Variants in TNS3 observed in about 807,000 individuals in gnomAD.
The protein encoded by TNS3 is tensin 3, also known as tensin-3.
Under a neutral mutation model 140.9 loss-of-function variants are expected in TNS3, and 45 were observed. The ratio of observed to expected loss-of-function variants is 0.32; its 90% CI spans 0.25 to 0.41. The LOEUF is 0.41. Ranked by LOEUF, TNS3 falls within the 10% of genes least tolerant of loss-of-function variation. TNS3 has a pLI of 1.00. For missense variants in TNS3, 1,716 were observed against 1,906.7 expected, an observed-to-expected ratio of 0.90 and a Z score of 1.86; for synonymous variants, 815 against 788.4, an observed-to-expected ratio of 1.03 and a Z score of -0.56.
intron 13 of TNS3, chr7:47,405,703 G>A (rs574720681): frequency 1.2e-4 from 78 of 642,778 alleles, no homozygotes; most frequent in East Asian, 6.6e-4. Flanking sequence ...GCTGTGATGC[G>A]TCCAACAGAG....
intron 1 of TNS3, among the ~76,000 whole-genome samples, chr7:47,550,727 C>T (rs1800038587): frequency 6.6e-6 from 1 of 152,200 alleles, no homozygotes; most frequent in African/African-American, 2.4e-5. Context: ...AGGCTGGAAG[C>T]AGTTTTAATA....
intron 8 of TNS3, among the ~76,000 whole-genome samples, chr7:47,434,000 C>T (rs1037095670): frequency 4.0e-5 from 6 of 151,806 alleles, no homozygotes; most frequent in Admixed American, 6.6e-5. Context: ...TCATCACGGA[C>T]GATTTGGTGG....
At chr7:47,539,519 A>G (rs912841486) in intron 1 of TNS3, 3 of 251,888 alleles carry the variant, frequency 1.2e-5, no homozygotes, top group African/African-American at 6.7e-5. Flanking sequence ...CAGGCTTGCA[A>G]TCTAGGCTCT....
At chr7:47,331,360 C>T (rs7788911) in intron 20 of TNS3, among the ~76,000 whole-genome samples, 14,695 of 152,094 alleles carry the variant, frequency 0.097, 847 homozygotes, top group African/African-American at 0.15. Flanking sequence ...CCAGGGCGAG[C>T]TCTACTCTGG....
At chr7:47,367,207 G>A (rs775456578) in intron 17 of TNS3, among the ~76,000 whole-genome samples, 8 of 152,122 alleles carry the variant, frequency 5.3e-5, no homozygotes, top group African/African-American at 9.7e-5. Context: ...CTCTCCTGGC[G>A]TGCACCTCTG....
At chr7:47,322,293 G>A (rs906936228) in intron 20 of TNS3, among the ~76,000 whole-genome samples, 3 of 149,420 alleles carry the variant, frequency 2.0e-5, no homozygotes, top group Non-Finnish European at 3.0e-5. Context: ...GGAGACTGAC[G>A]CAGGCGGATC....
At chr7:47,468,811 A>G (rs887848468) in intron 4 of TNS3, among the ~76,000 whole-genome samples, 2 of 152,210 alleles carry the variant, frequency 1.3e-5, no homozygotes, top group Non-Finnish European at 2.9e-5. Flanking sequence ...GAACAAAGCC[A>G]AAGGCATCAC....
In TNS3 at chr7:47,424,142, A is replaced by G; in HGVS notation, c.432T>C (p.Tyr144=). ...ALDRFAMKKF[Y]DDKVSALMQP... Reference sequence around the variant, plus strand: ...GCATTAAAGCTGAAACTTTGTCATCATAAAACTTCTTCATTGCAAACCTGT... The same window carrying G: ...GCATTAAAGCTGAAACTTTGTCATCGTAAAACTTCTTCATTGCAAACCTGT... Residue 144 remains tyrosine, a synonymous_variant, in exon 10 of 31, where the codon TAT becomes TAC. Coordinates refer to ENST00000311160, the MANE Select transcript of TNS3 (RefSeq NM_022748.12). 2 of 1,614,228 alleles carry G rather than the reference A, an allele frequency of 1.2e-6. No individual in the cohort carries two copies. Among genetic ancestry groups the G allele is most frequent in the South Asian group, 1.1e-5 (1 of 91,082 alleles).
At chr7:47,406,830 C>T (rs988892103) in intron 13 of TNS3, among the ~76,000 whole-genome samples, 3 of 152,192 alleles carry the variant, frequency 2.0e-5, no homozygotes, top group African/African-American at 7.2e-5. Context: ...TTAAGGATTG[C>T]TCAGTGAACC....
chr7:47,416,741 A>G (rs1322129051), intron 10 of TNS3, among the ~76,000 whole-genome samples: 1 of 152,180 alleles, frequency 6.6e-6, no homozygotes, highest in East Asian at 1.9e-4. Context: ...CCTCAGTTGT[A>G]CGTAGGCAGA....
intron 1 of TNS3, among the ~76,000 whole-genome samples, chr7:47,578,219 T>A (rs10951908): frequency 0.89 from 135,116 of 151,966 alleles, 62,337 homozygotes; most frequent in East Asian, 1. Context: ...AGGCTGAGGC[T>A]GAATTGCTTG....
intron 3 of TNS3, among the ~76,000 whole-genome samples, chr7:47,484,006 T>C (rs748718207): frequency 6.6e-6 from 1 of 152,204 alleles, no homozygotes; most frequent in Non-Finnish European, 1.5e-5. Context: ...GAAAGTGAGC[T>C]GGGGAACAGT....
rs1000209510 is a variant in TNS3, at chr7:47,400,314, A to T, written c.919+79T>A. 3 of 1,149,882 alleles carry T rather than the reference A, an allele frequency of 2.6e-6. No individual in the cohort carries two copies. The African/African-American group carries it at 4.6e-5, about 18-fold the overall frequency. 71.2% of individuals were successfully genotyped at this position (1,149,882 alleles called of 1,614,324 possible). A position where few individuals can be genotyped will look rare whatever the true frequency, so the allele number is the denominator to read the frequency against. ...ATATGCACAAAGGCAGGAGACTAGTACTACAGCCCCAGCGTAGCCATCATG... is the reference window on the plus strand; with the variant it reads ...ATATGCACAAAGGCAGGAGACTAGTTCTACAGCCCCAGCGTAGCCATCATG... On this transcript the variant is annotated intron_variant, in intron 15 of 30. Transcript: ENST00000311160.
intron 4 of TNS3, among the ~76,000 whole-genome samples, chr7:47,462,982 C>G (rs1562772119): frequency 6.6e-6 from 1 of 152,038 alleles, no homozygotes; most frequent in Non-Finnish European, 1.5e-5. Context: ...TACAATGGAC[C>G]CTAATCAATG....
chr7:47,551,014 G>A (rs1364842590), intron 1 of TNS3, among the ~76,000 whole-genome samples: 1 of 152,200 alleles, frequency 6.6e-6, no homozygotes, highest in Non-Finnish European at 1.5e-5. Context: ...AGGAACATGA[G>A]CTCACTCAGA....
intron 10 of TNS3, among the ~76,000 whole-genome samples, chr7:47,422,316 A>G (rs1427032386): frequency 1.3e-5 from 2 of 152,202 alleles, no homozygotes; most frequent in South Asian, 2.1e-4. Flanking sequence ...AACCCTGGGC[A>G]TGGGAATGTG....
Position 47,439,603 on chromosome 7 carries a change from T to C in TNS3, c.34A>G (p.Ile12Val). The change falls in exon 6 of 31, where the codon ATC becomes GTC. Residue 12 changes from isoleucine to valine, a missense_variant. Around this residue, in one of 3 missense-constraint regions of TNS3, gnomAD observed 337 missense variants for 428.9 expected, o/e 0.79. Transcript: ENST00000311160. Reference sequence around the variant, plus strand: ...GACACAGCGATGATGCGCTCCGTGATGTAAGTGAGGTCCAGCCCATGGCCC... The same window carrying C: ...GACACAGCGATGATGCGCTCCGTGACGTAAGTGAGGTCCAGCCCATGGCCC... Reference protein sequence around the residue: ...EEGHGLDLTYITERIIAVSFP... With the variant: ...EEGHGLDLTYVTERIIAVSFP... 3.1e-6 allele frequency: 5 copies of C among 1,614,016 alleles called. No individual in the cohort carries two copies. The highest frequency in any genetic ancestry group is 4.2e-6 in the Non-Finnish European group (5 of 1,179,974).
chr7:47,315,356 GC>G (rs1475003110), intron 20 of TNS3, among the ~76,000 whole-genome samples: 5 of 152,212 alleles, frequency 3.3e-5, no homozygotes, highest in Non-Finnish European at 7.3e-5. Flanking sequence ...CTGCGGGGCA[GC>G]CCCCCGGGAC....
chr7:47,278,789 A>T (rs189414593), intron 30 of TNS3: 1 of 152,564 alleles, frequency 6.6e-6, no homozygotes, highest in Non-Finnish European at 1.5e-5. Flanking sequence ...TAAAAAGAAC[A>T]GCCCATCGAA....
Sources: allele counts gnomAD v4.1 joint callset (sites outside exome capture counted in the v4.1 genomes callset), GRCh38; gene constraint gnomAD v4.1.1; regional missense constraint gnomAD v4.1.1; transcripts MANE v1.5; gene names NCBI Gene and HGNC (gene_info 2026-07-23, HGNC 2026-07-21).